Variants in TMEM266 observed in about 807,000 individuals in gnomAD.
TMEM266 encodes the protein transmembrane protein 266, also known as Hv1 related protein 1.
A neutral mutation model predicts 50.5 loss-of-function variants in TMEM266; 33 were observed. The observed-to-expected ratio is 0.65, with a 90% CI of 0.50 to 0.87. The LOEUF (loss-of-function observed/expected upper bound fraction) is 0.87, where lower values mean the gene tolerates loss of function less well. Among genes scored for constraint, TMEM266 ranks in the 40% least tolerant of loss-of-function variants. The pLI is 0.00. For missense variants in TMEM266, 655 were observed against 695.1 expected (o/e 0.94, Z 0.65); for synonymous variants, 310 against 292.3 (o/e 1.06, Z -0.62).
At chr15:76,137,559 C>T (rs148471385) in intron 2 of TMEM266, 148 bp from the exon 3 acceptor site, 268 of 754,886 alleles carry the variant, frequency 3.6e-4, no homozygotes, top group African/African-American at 3.2e-3. Context: ...CTCGGGTCCG[C>T]GGGTGGCCAG....
At chr15:76,078,834 C>A (rs577818984) in intron 1 of TMEM266, among the ~76,000 whole-genome samples, 5 of 152,222 alleles carry the variant, frequency 3.3e-5, no homozygotes. Context: ...TCTCACAGTT[C>A]TGGAGGACAG....
At position 76,091,947 on chromosome 15, in the gene TMEM266, TGCCACTGCACTACA is replaced by T. The variant is rs1289953920; in HGVS notation, c.-97+31935_-97+31948del. 1.6e-4 allele frequency among the ~76,000 whole-genome samples: 24 copies of T among 151,966 alleles called. 1 individual carries two copies. Among genetic ancestry groups the T allele is most frequent in the Middle Eastern group, 3.4e-3 (1 of 294 alleles). ...TCAAGACTGCAGTGAGCACTGATTA[TGCCACTGCACTACA>T]GCCTGGCAACAGAGCAAGACCCTGT... is the stretch of plus-strand genomic sequence containing the variant. On this transcript the variant is annotated intron_variant, in intron 1 of 10. Coordinates refer to ENST00000388942, the MANE Select transcript of TMEM266 (RefSeq NM_152335.3).
At chr15:76,136,723 G>C (rs2037594632) in intron 2 of TMEM266, among the ~76,000 whole-genome samples, 1 of 152,304 alleles carries the variant, frequency 6.6e-6, no homozygotes, top group Non-Finnish European at 1.5e-5. Flanking sequence ...GACCGAAGAT[G>C]GTGCCCCAGG....
At chr15:76,080,568 G>C (rs1199055822) in intron 1 of TMEM266, among the ~76,000 whole-genome samples, 1 of 151,322 alleles carries the variant, frequency 6.6e-6, no homozygotes, top group Non-Finnish European at 1.5e-5. Flanking sequence ...ATTTCAAACT[G>C]GGAACAACTA....
At chr15:76,119,391 CAAAAAAAAA>C (rs57532855) in intron 1 of TMEM266, among the ~76,000 whole-genome samples, 85 of 109,772 alleles carry the variant, frequency 7.7e-4, no homozygotes, top group Admixed American at 2.1e-3. Context: ...GGGTTTATGG[CAAAAAAAAA>C]AAAAAAAAAA....
At chr15:76,145,160 G>A (rs761271029) in intron 3 of TMEM266, among the ~76,000 whole-genome samples, 9 of 152,170 alleles carry the variant, frequency 5.9e-5, no homozygotes, top group Admixed American at 1.3e-4. Context: ...TCTGCTGGCC[G>A]CAGTGTCGGC....
intron 1 of TMEM266, among the ~76,000 whole-genome samples, chr15:76,070,252 G>A (rs2036518505): frequency 6.6e-6 from 1 of 152,186 alleles, no homozygotes; most frequent in Non-Finnish European, 1.5e-5. Context: ...CATTTCATCT[G>A]TGTTCCAGTT....
At position 76,145,983 on chromosome 15, in the gene TMEM266, T is replaced by G. The variant is rs2037749360; in HGVS notation, c.227+8088T>G. 2.0e-5 allele frequency among the ~76,000 whole-genome samples: 3 copies of G among 152,378 alleles called. No individual in the cohort carries two copies. The South Asian group carries it at 6.2e-4, about 32-fold the overall frequency. On this transcript the variant is annotated intron_variant, in intron 3 of 10. Transcript: ENST00000388942. ...AGAAAAATGAGGCTGTCAGTGAGGC[T>G]GTCAGTGAGCCAATCATCTATCTTT...
intron 7 of TMEM266, among the ~76,000 whole-genome samples, chr15:76,172,295 T>C (rs887185079): frequency 1.3e-5 from 2 of 152,240 alleles, no homozygotes; most frequent in African/African-American, 4.8e-5. Context: ...GCCCACCTAC[T>C]TGCCTTCTCC....
At chr15:76,111,163 C>G (rs1596111019) in intron 1 of TMEM266, among the ~76,000 whole-genome samples, 2 of 152,162 alleles carry the variant, frequency 1.3e-5, no homozygotes, top group South Asian at 2.1e-4. Context: ...TCACTGCAAC[C>G]TTTGCCTCCT....
At chr15:76,119,239 C>T (rs1034072003) in intron 1 of TMEM266, among the ~76,000 whole-genome samples, 3 of 151,956 alleles carry the variant, frequency 2.0e-5, no homozygotes, top group East Asian at 3.9e-4. Flanking sequence ...TGGTCAGGAA[C>T]GCTATCAGAT....
At chr15:76,183,529 G>T (rs1456561117) in intron 8 of TMEM266, among the ~76,000 whole-genome samples, 1 of 152,136 alleles carries the variant, frequency 6.6e-6, no homozygotes, top group Non-Finnish European at 1.5e-5. Flanking sequence ...TGGTGATATT[G>T]CTCTGCCCCC....
At chr15:76,175,732 C>T (rs2038266070) in intron 8 of TMEM266, 58 bp downstream of exon 8, 1 of 1,410,608 alleles carries the variant, frequency 7.1e-7, no homozygotes, top group East Asian at 2.3e-5. Flanking sequence ...CTGGTAGTGC[C>T]TAAAGCCATG....
chr15:76,170,368 C>G (rs934147377), intron 6 of TMEM266, among the ~76,000 whole-genome samples: 7 of 152,198 alleles, frequency 4.6e-5, no homozygotes, highest in African/African-American at 7.2e-5. Flanking sequence ...CCTCACCTCT[C>G]CATCTATATT....
intron 1 of TMEM266, among the ~76,000 whole-genome samples, chr15:76,124,855 G>T (rs1045790439): frequency 6.6e-6 from 1 of 151,874 alleles, no homozygotes; most frequent in African/African-American, 2.4e-5. Context: ...CCTAAAATTT[G>T]TATGGAACCA....
intron 5 of TMEM266, among the ~76,000 whole-genome samples, chr15:76,164,688 A>AGGGGTCAGCCAGCAGTGCCTGGG (rs1208983502): frequency 2.0e-5 from 3 of 152,252 alleles, no homozygotes; most frequent in African/African-American, 7.2e-5. Context: ...AGGAAGTGCC[A>AGGGGTCAGCCAGCAGTGCCTGGG]GGGGTCAGCC....
intron 1 of TMEM266, among the ~76,000 whole-genome samples, chr15:76,131,506 A>G (rs1265946141): frequency 6.6e-6 from 1 of 152,242 alleles, no homozygotes; most frequent in African/African-American, 2.4e-5. Context: ...GGGTTTAGAC[A>G]TTCTATGTGA....
chr15:76,183,881 G>A (rs2038456886), intron 8 of TMEM266, among the ~76,000 whole-genome samples: 1 of 152,332 alleles, frequency 6.6e-6, no homozygotes, highest in East Asian at 1.9e-4. Flanking sequence ...CCCCTTCGCT[G>A]TCTTTCACGT....
intron 1 of TMEM266, among the ~76,000 whole-genome samples, chr15:76,072,864 C>T (rs1233246543): frequency 6.6e-6 from 1 of 151,850 alleles, no homozygotes. Context: ...TCTCAAACTT[C>T]TGACCTTGTG....
Sources: allele counts gnomAD v4.1 joint callset (sites outside exome capture counted in the v4.1 genomes callset), GRCh38; gene constraint gnomAD v4.1.1; transcripts MANE v1.5; gene names NCBI Gene and HGNC (gene_info 2026-07-23, HGNC 2026-07-21).